ARHGAP31: variants seen among roughly 807,000 people sequenced by gnomAD.
ARHGAP31 encodes the protein Rho GTPase activating protein 31.
In ARHGAP31, 34 loss-of-function variants were observed where a neutral mutation model predicts 113.9. The ratio of observed to expected loss-of-function variants is 0.30; its 90% CI spans 0.23 to 0.40. The LOEUF (loss-of-function observed/expected upper bound fraction) is 0.40. Among genes scored for constraint, ARHGAP31 ranks in the 10% least tolerant of loss-of-function variants. The pLI is 1.00. For missense variants in ARHGAP31, 1,548 were observed against 1,767.1 expected (o/e 0.88, Z 2.22); for synonymous variants, 650 against 684.8 (o/e 0.95, Z 0.79).
intron 9 of ARHGAP31, among the ~76,000 whole-genome samples, chr3:119,399,487 T>G (rs1464504430): frequency 3.3e-5 from 5 of 152,224 alleles, no homozygotes; most frequent in African/African-American, 7.2e-5. Context: ...TCTTTGCCCA[T>G]CCTTCCTCTA....
intron 1 of ARHGAP31, among the ~76,000 whole-genome samples, chr3:119,363,706 C>T (rs2080230093): frequency 6.6e-6 from 1 of 152,184 alleles, no homozygotes; most frequent in Non-Finnish European, 1.5e-5. Flanking sequence ...CATAAAGATC[C>T]AGTCCAGCTT....
intron 7 of ARHGAP31, among the ~76,000 whole-genome samples, chr3:119,391,239 A>G (rs2080501506): frequency 6.6e-6 from 1 of 152,100 alleles, no homozygotes; most frequent in South Asian, 2.1e-4. Context: ...ATTTTGGGAG[A>G]GTATTATAGG....
At chr3:119,403,066 G>A (rs531885754) in intron 10 of ARHGAP31, among the ~76,000 whole-genome samples, 1 of 152,320 alleles carries the variant, frequency 6.6e-6, no homozygotes, top group Admixed American at 6.5e-5. Context: ...GGAGTGAAGA[G>A]AGTTTCTTTA....
At chr3:119,378,361 G>A (rs1277047187) in intron 3 of ARHGAP31, among the ~76,000 whole-genome samples, 2 of 152,108 alleles carry the variant, frequency 1.3e-5, no homozygotes, top group African/African-American at 4.8e-5. Context: ...GGTAGGATGG[G>A]GAGAGGTTGC....
intron 1 of ARHGAP31, among the ~76,000 whole-genome samples, chr3:119,315,718 G>A (rs1362707760): frequency 6.6e-6 from 1 of 152,228 alleles, no homozygotes; most frequent in Non-Finnish European, 1.5e-5. Context: ...TTGGTTTGGT[G>A]CAAAAGGGGA....
intron 4 of ARHGAP31, among the ~76,000 whole-genome samples, chr3:119,381,639 A>T (rs2107630931): frequency 6.6e-6 from 1 of 152,330 alleles, no homozygotes; most frequent in East Asian, 1.9e-4. Flanking sequence ...AGCCTATTTC[A>T]AAACTGCTTG....
intron 3 of ARHGAP31, among the ~76,000 whole-genome samples, chr3:119,373,975 A>T (rs1390978936): frequency 6.6e-6 from 1 of 152,232 alleles, no homozygotes; most frequent in Non-Finnish European, 1.5e-5. Context: ...TACAATATCA[A>T]CATTTTGGAG....
At chr3:119,374,669 C>G (rs1181161899) in intron 3 of ARHGAP31, among the ~76,000 whole-genome samples, 1 of 151,960 alleles carries the variant, frequency 6.6e-6, no homozygotes, top group Non-Finnish European at 1.5e-5. Context: ...CCCCTTAGCT[C>G]TCTCTCTCTC....
At chr3:119,401,423 T>C (rs949388324) in intron 9 of ARHGAP31, among the ~76,000 whole-genome samples, 3 of 152,214 alleles carry the variant, frequency 2.0e-5, no homozygotes, top group African/African-American at 7.2e-5. Context: ...TTTTTCCTTT[T>C]TGTCTTCTTC....
intron 10 of ARHGAP31, among the ~76,000 whole-genome samples, chr3:119,406,355 A>C (rs4687851): frequency 0.16 from 24,169 of 152,232 alleles, 2,507 homozygotes; most frequent in East Asian, 0.27. Flanking sequence ...TATATATTTA[A>C]AAATTATGGA....
Position 119,305,593 on chromosome 3 carries a change from G to T in ARHGAP31, c.100+10589G>T, listed in dbSNP as rs947889662. On this transcript the variant is annotated intron_variant, in intron 1 of 11. Coordinates refer to ENST00000264245, the MANE Select transcript of ARHGAP31 (RefSeq NM_020754.4). ...AGGACTCATACTTTTGGCGACAATT[G>T]TTGGCTTTCTTTTTAACAAGTTTTA... Among the ~76,000 whole-genome samples, 4 of 152,162 alleles carry T rather than the reference G, an allele frequency of 2.6e-5. No homozygotes were observed. In the South Asian group the frequency reaches 8.3e-4, roughly 32 times the overall value.
chr3:119,322,767 T>C lies in ARHGAP31; in HGVS notation c.100+27763T>C, dbSNP rs57841048. The C allele has an allele frequency of 7.2e-3, 1,107 of 153,514 alleles. 10 individuals carry two copies. The highest frequency in any genetic ancestry group is 0.025 in the African/African-American group (1,058 of 41,562). 9.5% of individuals were successfully genotyped at this position (153,514 alleles called of 1,614,324 possible). ...CCCCTCTAGGCTGGGGCCCGGCCGC[T>C]CTGGGCCTGCTCCTCCTCCCGCTCC... On this transcript the variant is annotated intron_variant, in intron 1 of 11. Coordinates refer to ENST00000264245, the MANE Select transcript of ARHGAP31 (RefSeq NM_020754.4).
chr3:119,395,071 G>C (rs2080537988), intron 8 of ARHGAP31, among the ~76,000 whole-genome samples: 1 of 152,132 alleles, frequency 6.6e-6, no homozygotes, highest in South Asian at 2.1e-4. Flanking sequence ...AAACTAAGGT[G>C]GTAAGTTTAA....
rs74280521 is a variant in ARHGAP31, at chr3:119,325,731, G to A, written c.100+30727G>A. Among the ~76,000 whole-genome samples the A allele has an allele frequency of 6.4e-3, 981 of 152,274 alleles. 16 individuals are homozygous for A. The highest frequency in any genetic ancestry group is 0.061 in the East Asian group (316 of 5,186). On this transcript the variant is annotated intron_variant, in intron 1 of 11. Transcript: ENST00000264245. ...TTGACAGCTAGGGCAAAACAGTGGC[G>A]AGAAGAAACTCAGGGAAAGGAGAGA...
Position 119,317,548 on chromosome 3 carries a change from T to C in ARHGAP31, c.100+22544T>C, listed in dbSNP as rs138568319. 9.2e-5 allele frequency among the ~76,000 whole-genome samples: 14 copies of C among 152,338 alleles called. No individual in the cohort carries two copies. In the East Asian group the frequency reaches 2.7e-3, roughly 29 times the overall value. On this transcript the variant is annotated intron_variant, in intron 1 of 11. Coordinates refer to ENST00000264245, the MANE Select transcript of ARHGAP31 (RefSeq NM_020754.4). ...AAGGGCTGATATTAATGCCACTTAA[T>C]ACCAGCATTTCTATGAATAGTTCTC...
chr3:119,418,251 C>G lies in ARHGAP31; in HGVS notation c.*1987C>G, dbSNP rs559362755. ...TTGGGTGAGGAAGACATTGAACCAA[C>G]AGCCAACGAGATATGAACCTGTAAG... On this transcript the variant is annotated 3_prime_UTR_variant, in exon 12 of 12. Transcript: ENST00000264245. 45 of 152,238 alleles carry G rather than the reference C, an allele frequency of 3.0e-4. No homozygotes were observed. Among genetic ancestry groups the G allele is most frequent in the Admixed American group, 8.5e-4 (13 of 15,290 alleles). 9.4% of individuals were successfully genotyped at this position (152,238 alleles called of 1,614,324 possible).
At chr3:119,406,872 A>T (rs1186970801) in intron 10 of ARHGAP31, among the ~76,000 whole-genome samples, 1 of 152,162 alleles carries the variant, frequency 6.6e-6, no homozygotes, top group African/African-American at 2.4e-5. Flanking sequence ...GTTACCAGGG[A>T]TTGAGTCCCA....
Position 119,404,974 on chromosome 3 carries a change from C to T in ARHGAP31, c.1645+2577C>T, listed in dbSNP as rs536264281. Among the ~76,000 whole-genome samples, 33 of 152,294 alleles carry T rather than the reference C, an allele frequency of 2.2e-4. No homozygotes were observed. In the South Asian group the frequency reaches 3.5e-3, roughly 16 times the overall value. On this transcript the variant is annotated intron_variant, in intron 10 of 11. Coordinates refer to ENST00000264245, the MANE Select transcript of ARHGAP31 (RefSeq NM_020754.4). ...TGGTTTAAAAATTACAACCGACACTCTCTGCATCCCCTTCTAGAAACGCTT... is the reference window on the plus strand; with the variant it reads ...TGGTTTAAAAATTACAACCGACACTTTCTGCATCCCCTTCTAGAAACGCTT...
chr3:119,414,132 A>C lies in ARHGAP31; in HGVS notation c.2203A>C (p.Ser735Arg). The change falls in exon 12 of 12, where the codon AGC becomes CGC. Residue 735 changes from serine to arginine, a missense_variant. Ser to Arg is a moderately radical substitution (Grantham distance 110). Transcript: ENST00000264245. ...QSTQGASTAA[S>R]REKPEPEQGL... ...CACACAGGGGGCTTCCACAGCAGCC[A>C]GCAGAGAGAAGCCGGAACCTGAGCA... 6.2e-7 allele frequency: 1 copy of C among 1,614,228 alleles called. No individual in the cohort carries two copies. Among genetic ancestry groups the C allele is most frequent in the East Asian group, 2.2e-5 (1 of 44,870 alleles).
Sources: gnomAD v4.1 joint callset for allele counts (sites outside exome capture counted in the v4.1 genomes callset) on GRCh38, gnomAD v4.1.1 for gene constraint, MANE v1.5 for transcripts, NCBI Gene and HGNC (gene_info 2026-07-23, HGNC 2026-07-21) for gene names.